The following FHDC1 variants were observed in gnomAD, a reference collection of about 807,000 sequenced individuals.
FHDC1 encodes the protein FH2 domain containing 1, also known as FH2 domain-containing protein 1.
In FHDC1, 25 loss-of-function variants were observed where a neutral mutation model predicts 52.6. The ratio of observed to expected loss-of-function variants is 0.48; its 90% CI spans 0.35 to 0.66. The LOEUF (loss-of-function observed/expected upper bound fraction) is 0.66, where lower values mean the gene tolerates loss of function less well. Among genes scored for constraint, FHDC1 ranks in the 30% least tolerant of loss-of-function variants. The pLI, the probability that FHDC1 is intolerant of heterozygous loss-of-function variation, is 0.01. For synonymous variants in FHDC1, 616 were observed against 581.5 expected (o/e 1.06, Z -0.85); for missense variants, 1,459 against 1,452.8 (o/e 1.00, Z -0.07).
At chr4:152,922,542 G>A in the FHDC1 span, among the ~76,000 whole-genome samples, 1 of 151,178 alleles carries the variant, frequency 6.6e-6, no homozygotes, top group African/African-American at 2.4e-5. Flanking sequence ...AAGCCGGGCA[G>A]AGACACAACC....
At chr4:152,941,817 T>C (rs1411522671) in intron 1 of FHDC1, among the ~76,000 whole-genome samples, 2 of 152,172 alleles carry the variant, frequency 1.3e-5, no homozygotes, top group African/African-American at 4.8e-5. Context: ...CACCCCGAAG[T>C]GCCGTGTAAA....
the FHDC1 span, among the ~76,000 whole-genome samples, chr4:152,912,968 C>T: frequency 6.6e-6 from 1 of 152,120 alleles, no homozygotes; most frequent in East Asian, 1.9e-4. Context: ...GAGTGTGAAA[C>T]TAGAATGTTC....
chr4:152,973,851 A>G (rs1174352450), intron 11 of FHDC1, among the ~76,000 whole-genome samples: 1 of 152,228 alleles, frequency 6.6e-6, no homozygotes, highest in African/African-American at 2.4e-5. Context: ...GTGCTTTGGT[A>G]TGTGAGCTTG....
At chr4:152,911,848 C>G in the FHDC1 span, 1 of 152,674 alleles carries the variant, frequency 6.5e-6, no homozygotes, top group Admixed American at 6.5e-5. Context: ...AGTTCATTTA[C>G]ATTCCCCAGA....
At chr4:152,961,298 A>G (rs1740273333) in intron 6 of FHDC1, among the ~76,000 whole-genome samples, 1 of 152,156 alleles carries the variant, frequency 6.6e-6, no homozygotes, top group Non-Finnish European at 1.5e-5. Context: ...TCCTGGGGTC[A>G]ACCGTGTGAC....
intron 4 of FHDC1, among the ~76,000 whole-genome samples, chr4:152,956,615 T>G (rs1390933632): frequency 6.6e-6 from 1 of 151,992 alleles, no homozygotes; most frequent in Non-Finnish European, 1.5e-5. Flanking sequence ...CTGCCTTGAA[T>G]CCCCGAGACT....
intron 1 of FHDC1, among the ~76,000 whole-genome samples, chr4:152,938,353 G>A (rs1362067082): frequency 2.0e-5 from 3 of 152,066 alleles, no homozygotes; most frequent in Admixed American, 1.3e-4. Context: ...CGTTGTCCTG[G>A]GTTCTTTCAC....
chr4:152,914,819 T>G, the FHDC1 span, among the ~76,000 whole-genome samples: 2 of 152,130 alleles, frequency 1.3e-5, no homozygotes, highest in African/African-American at 4.8e-5. Context: ...AGAAGAACCA[T>G]AGCCATATAC....
At chr4:152,942,645 C>T (rs1321249643) in intron 1 of FHDC1, among the ~76,000 whole-genome samples, 2 of 152,224 alleles carry the variant, frequency 1.3e-5, no homozygotes, top group East Asian at 1.9e-4. Flanking sequence ...GTGAGCAATA[C>T]TTACTGAGCC....
chr4:152,952,916 G>A (rs888268707), intron 2 of FHDC1, among the ~76,000 whole-genome samples: 4 of 152,178 alleles, frequency 2.6e-5, no homozygotes, highest in Non-Finnish European at 5.9e-5. Context: ...TGGATCACTT[G>A]AGGTCAACAG....
intron 4 of FHDC1, 50 bp downstream of exon 4, chr4:152,954,369 C>T (rs1337865826): frequency 1.3e-6 from 2 of 1,495,720 alleles, no homozygotes; most frequent in Non-Finnish European, 1.9e-6. Context: ...ATCATAAAAG[C>T]TTAATATTTT....
intron 8 of FHDC1, among the ~76,000 whole-genome samples, chr4:152,963,621 T>TGGAG (rs1192665893): frequency 2.0e-5 from 3 of 151,152 alleles, no homozygotes; most frequent in African/African-American, 7.3e-5. Flanking sequence ...GAATAGAGGA[T>TGGAG]GGAGGATTGA....
At chr4:152,971,756 C>T (rs1040967521) in intron 10 of FHDC1, among the ~76,000 whole-genome samples, 1 of 152,208 alleles carries the variant, frequency 6.6e-6, no homozygotes, top group Non-Finnish European at 1.5e-5. Context: ...TGGGTCCACC[C>T]CAAACCTGTG....
the FHDC1 span, among the ~76,000 whole-genome samples, chr4:152,924,707 G>T: frequency 6.6e-6 from 1 of 152,244 alleles, no homozygotes; most frequent in South Asian, 2.1e-4. Context: ...CATGTCATTT[G>T]TAGGGACATG....
chr4:152,928,301 C>T, the FHDC1 span: 4 of 553,880 alleles, frequency 7.2e-6, no homozygotes, highest in Non-Finnish European at 1.3e-5. Context: ...AAAAAAAACT[C>T]CTTTGCCTGC....
chr4:152,926,962 C>T, the FHDC1 span, among the ~76,000 whole-genome samples: 1 of 152,202 alleles, frequency 6.6e-6, no homozygotes, highest in Non-Finnish European at 1.5e-5. Flanking sequence ...TTAGCTAAGA[C>T]AGAACCCTGA....
chr4:152,921,909 A>G, the FHDC1 span, among the ~76,000 whole-genome samples: 2 of 152,214 alleles, frequency 1.3e-5, no homozygotes, highest in African/African-American at 4.8e-5. Context: ...AAAGCAGGAA[A>G]GATCCAAAAT....
the FHDC1 span, chr4:152,927,316 G>C: frequency 6.1e-6 from 4 of 655,108 alleles, no homozygotes; most frequent in Middle Eastern, 4.1e-4. Context: ...TTTGTCAAAG[G>C]TCAGGGGAAC....
At chr4:152,940,507 TTTG>T (rs1482041586) in intron 1 of FHDC1, among the ~76,000 whole-genome samples, 1 of 152,238 alleles carries the variant, frequency 6.6e-6, no homozygotes, top group Non-Finnish European at 1.5e-5. Flanking sequence ...CCTTTCTGGC[TTTG>T]TTGTTAGGAG....
Sources: allele counts gnomAD v4.1 joint callset (sites outside exome capture counted in the v4.1 genomes callset), GRCh38; gene constraint gnomAD v4.1.1; transcripts MANE v1.5; gene names NCBI Gene and HGNC (gene_info 2026-07-23, HGNC 2026-07-21).